Variants in FMO5 observed in about 807,000 individuals in gnomAD.
FMO5 encodes the protein flavin-containing monooxygenase 5.
In FMO5, 51 loss-of-function variants were observed where a neutral mutation model predicts 43.6. The ratio of observed to expected loss-of-function variants is 1.17; its 90% CI spans 0.93 to 1.48. FMO5 has a LOEUF of 1.48. FMO5 is among the 40% of genes most tolerant of loss of function. The pLI is 0.00. For synonymous variants in FMO5, 187 were observed against 216.5 expected, an observed-to-expected ratio of 0.86 and a Z score of 1.20; for missense variants, 644 against 643.0, an observed-to-expected ratio of 1.00 and a Z score of -0.02.
At chr1:147,188,880 G>A (rs1656147107) in intron 8 of FMO5, among the ~76,000 whole-genome samples, 1 of 152,052 alleles carries the variant, frequency 6.6e-6, no homozygotes, top group Admixed American at 6.6e-5. Flanking sequence ...AGATACTTTA[G>A]AGCCAGAAAA....
chr1:147,218,045 C>G (rs919133255), intron 2 of FMO5, among the ~76,000 whole-genome samples: 2 of 152,118 alleles, frequency 1.3e-5, no homozygotes, highest in East Asian at 3.8e-4. Context: ...TAAAATACAT[C>G]AACATTTATC....
chr1:147,224,507 CT>C (rs1242179589), intron 2 of FMO5, among the ~76,000 whole-genome samples: 1 of 151,986 alleles, frequency 6.6e-6, no homozygotes, highest in Admixed American at 6.6e-5. Context: ...GTTTAACTAT[CT>C]TTTTTTAATT....
intron 7 of FMO5, among the ~76,000 whole-genome samples, chr1:147,195,819 A>G (rs1434063137): frequency 6.6e-6 from 1 of 152,272 alleles, no homozygotes; most frequent in African/African-American, 2.4e-5. Context: ...CATTCTTTCT[A>G]CAAGTACTCT....
chr1:147,201,196 G>A lies in FMO5; in HGVS notation c.1139C>T (p.Pro380Leu). The A allele has an allele frequency of 6.2e-7, 1 of 1,614,066 alleles. No individual in the cohort carries two copies. The highest frequency in any genetic ancestry group is 1.1e-5 in the South Asian group (1 of 91,066). Reference protein sequence around the residue: ...GLIQPLGAIMPISELQGRWAT... With the variant: ...GLIQPLGAIMLISELQGRWAT... The stretch of plus-strand genomic sequence containing the variant: ...CCAGCGTCCTTGGAGCTCTGAAATG[G>A]GCATAATGGCTCCTAAGGGCTGAAT... The change falls in exon 7 of 9, where the codon CCC (proline) becomes CTC (leucine). Residue 380 changes from proline to leucine, a missense_variant. Coordinates refer to ENST00000254090, the MANE Select transcript of FMO5 (RefSeq NM_001461.4).
rs368950159 is a variant in FMO5 at position 147,204,518 on chromosome 1, C to A, written c.831-3014G>T. 8 of 1,567,608 alleles carry A rather than the reference C, an allele frequency of 5.1e-6. No homozygotes were observed. In the South Asian group the frequency reaches 7.8e-5, roughly 15 times the overall value. On this transcript the variant is annotated intron_variant, in intron 6 of 8. Coordinates refer to ENST00000254090, the MANE Select transcript of FMO5 (RefSeq NM_001461.4). ...ACCAAATTAGGAAGAATCTCATGAG[C>A]TTTTCTGCAAGCTATTTCATAACCT...
intron 5 of FMO5, among the ~76,000 whole-genome samples, chr1:147,211,777 G>A (rs1217108519): frequency 1.3e-5 from 2 of 152,184 alleles, no homozygotes; most frequent in African/African-American, 4.8e-5. Context: ...AAGCCAAGGA[G>A]ATATAATTGC....
intron 2 of FMO5, among the ~76,000 whole-genome samples, chr1:147,217,474 G>T (rs1414299348): frequency 6.6e-6 from 1 of 152,126 alleles, no homozygotes; most frequent in African/African-American, 2.4e-5. Flanking sequence ...AACAGATATT[G>T]AGATATTGAG....
rs1660158805 is a variant in FMO5 at position 147,206,812 on chromosome 1, AAATGACAAGTTAATGGATG to A, written c.830+2021_830+2039del. On this transcript the variant is annotated intron_variant, in intron 6 of 8. Coordinates refer to ENST00000254090, the MANE Select transcript of FMO5 (RefSeq NM_001461.4). ...TAGCATTAGGAGATATATCTGATGT[AAATGACAAGTTAATGGATG>A]TAAATGACAAGTTAATGGGTGCAGC... Among the ~76,000 whole-genome samples the A allele has an allele frequency of 1.4e-4, 4 of 29,090 alleles. No homozygotes were observed. The African/African-American group carries it at 3.5e-3, about 25-fold the overall frequency. The allele number at this position is 29,090 out of a possible 152,430, so 19.1% of individuals were successfully genotyped here.
chr1:147,216,823 A>G (rs587619748), intron 2 of FMO5, among the ~76,000 whole-genome samples: 1 of 152,348 alleles, frequency 6.6e-6, no homozygotes, highest in South Asian at 2.1e-4. Context: ...CCTGCATCTT[A>G]GCAAAATCTT....
At chr1:147,224,771 A>G in intron 2 of FMO5, 124 bp downstream of exon 2, 1 of 850,726 alleles carries the variant, frequency 1.2e-6, no homozygotes, top group Non-Finnish European at 1.9e-6. Flanking sequence ...CGGCCTCCCA[A>G]AGTGCTAGGA....
chr1:147,197,885 G>C (rs1396339766), intron 7 of FMO5, among the ~76,000 whole-genome samples: 2 of 152,152 alleles, frequency 1.3e-5, no homozygotes, highest in Non-Finnish European at 2.9e-5. Flanking sequence ...CATACTAAAA[G>C]GTCAGTATAT....
downstream of FMO5, chr1:147,184,438 A>C: frequency 7.2e-7 from 1 of 1,396,118 alleles, no homozygotes; most frequent in Non-Finnish European, 9.3e-7. This position sits in a 1 kb window ranked among gnomAD's most constrained non-coding sequence, Gnocchi z 4.4. Context: ...TTTTTACTTA[A>C]AGTTCTTTTT....
chr1:147,220,655 A>G (rs1220054639), intron 2 of FMO5, among the ~76,000 whole-genome samples: 1 of 152,190 alleles, frequency 6.6e-6, no homozygotes, highest in Non-Finnish European at 1.5e-5. Flanking sequence ...TAGGGTTTTT[A>G]TAGTTTTAGA....
chr1:147,212,388 C>CA lies in FMO5; in HGVS notation c.630+4dup. The CA allele has an allele frequency of 1.2e-6, 2 of 1,613,826 alleles. No homozygotes were observed. The highest frequency in any genetic ancestry group is 1.7e-6 in the Non-Finnish European group (2 of 1,179,876). ...CAACGTAAATAATAATTGAGTGATTCAAACCTGCTTGGCTGTTTGGCTAAT... is the reference window on the plus strand; with the variant it reads ...CAACGTAAATAATAATTGAGTGATTCAAAACCTGCTTGGCTGTTTGGCTAAT... On this transcript the variant is annotated splice_donor_region_variant and intron_variant, in intron 5 of 8. Coordinates refer to ENST00000254090, the MANE Select transcript of FMO5 (RefSeq NM_001461.4).
rs11287039 is a variant in FMO5 at position 147,220,944 on chromosome 1, C to CAAAA, written c.135+3947_135+3950dup. ...TAACATAAAATGAGTTTTAAGTTTC[C>CAAAA]AAAAAAAAAAAAAAACAGTGGGTAT... is the stretch of plus-strand genomic sequence containing the variant. On this transcript the variant is annotated intron_variant, in intron 2 of 8. Coordinates refer to ENST00000254090, the MANE Select transcript of FMO5 (RefSeq NM_001461.4). Among the ~76,000 whole-genome samples the CAAAA allele has an allele frequency of 5.9e-3, 813 of 137,316 alleles. 9 individuals are homozygous for CAAAA. The highest frequency in any genetic ancestry group is 9.3e-3 in the Non-Finnish European group (593 of 63,674). The allele number at this position is 137,316 out of a possible 152,430, so 90.1% of individuals were successfully genotyped here. A position where few individuals can be genotyped will look rare whatever the true frequency, so the allele number is the denominator to read the frequency against.
At chr1:147,189,646 C>A (rs11591109) in intron 8 of FMO5, among the ~76,000 whole-genome samples, 4 of 152,260 alleles carry the variant, frequency 2.6e-5, no homozygotes, top group Non-Finnish European at 4.4e-5. Context: ...TGATTGTGTT[C>A]ATCAAAACAC....
At chr1:147,188,230 A>G (rs1209966004) in intron 8 of FMO5, among the ~76,000 whole-genome samples, 2 of 152,152 alleles carry the variant, frequency 1.3e-5, no homozygotes, top group African/African-American at 4.8e-5. Context: ...CAAGATCTAT[A>G]CTATTCATGA....
intron 2 of FMO5, among the ~76,000 whole-genome samples, chr1:147,222,652 T>TCA (rs1663255064): frequency 6.6e-6 from 1 of 152,212 alleles, no homozygotes; most frequent in Non-Finnish European, 1.5e-5. Flanking sequence ...GTGTGGTCTG[T>TCA]TGGAACAGAA....
intron 7 of FMO5, among the ~76,000 whole-genome samples, chr1:147,193,908 A>G (rs1657415796): frequency 1.3e-5 from 2 of 152,054 alleles, no homozygotes; most frequent in Admixed American, 1.3e-4. Context: ...ACATTTGCTG[A>G]GGAGTGCTTT....
Sources: gnomAD v4.1 joint callset for allele counts (sites outside exome capture counted in the v4.1 genomes callset) on GRCh38, gnomAD v4.1.1 for gene constraint, Gnocchi (gnomAD v3.1) non-coding constraint, MANE v1.5 for transcripts, NCBI Gene and HGNC (gene_info 2026-07-23, HGNC 2026-07-21) for gene names.